Variants in RSPO2 observed in about 807,000 individuals in gnomAD.
RSPO2 encodes the protein R-spondin-2.
A neutral mutation model predicts 30.9 loss-of-function variants in RSPO2; 14 were observed. That is an observed-to-expected ratio of 0.45 (90% CI 0.30 to 0.71). RSPO2 has a LOEUF of 0.71. Among genes scored for constraint, RSPO2 ranks in the 30% least tolerant of loss-of-function variants. The probability of loss-of-function intolerance (pLI) is 0.08; values close to 1 mark genes in which losing one functional copy is unlikely to be tolerated. For missense variants in RSPO2, 264 were observed against 301.9 expected (o/e 0.87, Z 0.93); for synonymous variants, 107 against 96.4 (o/e 1.11, Z -0.64).
intron 2 of RSPO2, among the ~76,000 whole-genome samples, chr8:108,023,478 A>C (rs1379518945): frequency 6.6e-6 from 1 of 152,218 alleles, no homozygotes; most frequent in Non-Finnish European, 1.5e-5. Flanking sequence ...TCTGAACTAA[A>C]ATGATACGCT....
chr8:107,940,617 A>G (rs1036286081), intron 5 of RSPO2, among the ~76,000 whole-genome samples: 4 of 152,188 alleles, frequency 2.6e-5, no homozygotes, highest in Non-Finnish European at 5.9e-5. Context: ...TCTTGGCCCA[A>G]GGCCATTTAG....
intron 5 of RSPO2, among the ~76,000 whole-genome samples, chr8:107,923,912 G>T (rs1323315226): frequency 6.6e-6 from 1 of 151,984 alleles, no homozygotes; most frequent in Non-Finnish European, 1.5e-5. Context: ...GACACATAGA[G>T]GGGAACAGCA....
intron 2 of RSPO2, among the ~76,000 whole-genome samples, chr8:108,011,134 G>GAAAAAAAAAA (rs66722934): frequency 2.0e-5 from 2 of 100,432 alleles, no homozygotes; most frequent in Non-Finnish European, 3.9e-5. Flanking sequence ...CTCCGTCCCA[G>GAAAAAAAAAA]AAAAAAAAAA....
chr8:107,963,550 A>AAAAAG lies in RSPO2; in HGVS notation c.284-2734_284-2733insCTTTT, dbSNP rs1410329718. Reference sequence around the variant, plus strand: ...AAAAAAAAAAAAAAAAAAAAAAAAAAGGCAGGTTGCAAGATATATATAGTA... The same window carrying AAAAAG: ...AAAAAAAAAAAAAAAAAAAAAAAAAAAAAAGGGCAGGTTGCAAGATATATATAGTA... On this transcript the variant is annotated intron_variant, in intron 3 of 5. Coordinates refer to ENST00000276659, the MANE Select transcript of RSPO2 (RefSeq NM_178565.5). 2.8e-5 allele frequency among the ~76,000 whole-genome samples: 4 copies of AAAAAG among 143,772 alleles called. 1 individual carries two copies. The East Asian group carries it at 5.9e-4, about 21-fold the overall frequency. The allele number at this position is 143,772 out of a possible 152,430, so 94.3% of individuals were successfully genotyped here. A position where few individuals can be genotyped will look rare whatever the true frequency, so the allele number is the denominator to read the frequency against.
At chr8:107,924,708 C>A (rs1018768511) in intron 5 of RSPO2, among the ~76,000 whole-genome samples, 27 of 151,898 alleles carry the variant, frequency 1.8e-4, no homozygotes, top group African/African-American at 6.5e-4. Context: ...TATATAGAAA[C>A]CTCATACGCC....
At chr8:108,020,883 T>G (rs2130611004) in intron 2 of RSPO2, among the ~76,000 whole-genome samples, 1 of 152,324 alleles carries the variant, frequency 6.6e-6, no homozygotes, top group East Asian at 1.9e-4. Context: ...TATGTATGTC[T>G]TCCCCAGTAG....
chr8:108,069,349 G>A (rs763181679), intron 2 of RSPO2, among the ~76,000 whole-genome samples: 7 of 152,062 alleles, frequency 4.6e-5, no homozygotes, highest in Non-Finnish European at 1.0e-4. Context: ...GAGTAGCTAG[G>A]ACTACAGGCA....
intron 2 of RSPO2, among the ~76,000 whole-genome samples, chr8:108,067,939 C>T (rs907453342): frequency 2.4e-4 from 37 of 152,082 alleles, no homozygotes; most frequent in African/African-American, 8.7e-4. Context: ...TGTGGTGGCA[C>T]ATACCTGTAG....
At chr8:108,001,141 A>G (rs926875467) in intron 2 of RSPO2, among the ~76,000 whole-genome samples, 37 of 152,084 alleles carry the variant, frequency 2.4e-4, no homozygotes, top group African/African-American at 8.4e-4. Context: ...GCAGTGAGCC[A>G]AGATCGCGCC....
intron 3 of RSPO2, chr8:107,983,071 G>A (rs1186058298): frequency 3.9e-6 from 5 of 1,287,404 alleles, no homozygotes; most frequent in East Asian, 2.3e-5. Context: ...CATGTTCCCT[G>A]GCACCACTAC....
intron 5 of RSPO2, among the ~76,000 whole-genome samples, chr8:107,932,065 T>G (rs1352588832): frequency 3.3e-5 from 5 of 152,168 alleles, no homozygotes; most frequent in African/African-American, 1.2e-4. Context: ...ATGATAAATA[T>G]AGGTGCGTAA....
At chr8:107,963,089 A>G (rs1813682210) in intron 3 of RSPO2, among the ~76,000 whole-genome samples, 1 of 152,180 alleles carries the variant, frequency 6.6e-6, no homozygotes, top group Admixed American at 6.5e-5. Flanking sequence ...TCAGGTATAA[A>G]TCATGTTGGA....
chr8:107,996,785 C>T, intron 2 of RSPO2: 1 of 310,754 alleles, frequency 3.2e-6, no homozygotes, highest in Non-Finnish European at 6.3e-6. Context: ...TTCATCTTGA[C>T]CACAAAGATC....
chr8:107,967,866 T>C (rs893326529), intron 3 of RSPO2, among the ~76,000 whole-genome samples: 5 of 152,154 alleles, frequency 3.3e-5, no homozygotes, highest in Non-Finnish European at 5.9e-5. Context: ...CCACTTACTA[T>C]TGTGTGACTG....
intron 5 of RSPO2, among the ~76,000 whole-genome samples, chr8:107,953,598 C>G (rs1041842564): frequency 7.2e-5 from 11 of 152,086 alleles, no homozygotes; most frequent in African/African-American, 2.7e-4. Flanking sequence ...ACAACCATGG[C>G]TTTATCTTTG....
chr8:108,009,534 C>G (rs894367395), intron 2 of RSPO2, among the ~76,000 whole-genome samples: 1 of 152,156 alleles, frequency 6.6e-6, no homozygotes, highest in Non-Finnish European at 1.5e-5. Context: ...AAGTCACACA[C>G]ATTACATGTG....
At chr8:108,056,691 A>G (rs1812258931) in intron 2 of RSPO2, among the ~76,000 whole-genome samples, 1 of 151,680 alleles carries the variant, frequency 6.6e-6, no homozygotes, top group Non-Finnish European at 1.5e-5. Flanking sequence ...TGCCTGGCAC[A>G]TAGTAAATGC....
chr8:108,063,997 TC>T (rs1812571279), intron 2 of RSPO2, among the ~76,000 whole-genome samples: 1 of 152,160 alleles, frequency 6.6e-6, no homozygotes, highest in Non-Finnish European at 1.5e-5. Flanking sequence ...TGAAGCTGGA[TC>T]CCTTCCTTAC....
chr8:107,983,345 G>A (rs990870649), intron 3 of RSPO2: 1 of 1,609,930 alleles, frequency 6.2e-7, no homozygotes, highest in African/African-American at 1.3e-5. Context: ...AGATGGAAAA[G>A]GGCCCAGGGT....
Sources: gnomAD v4.1 joint callset for allele counts (sites outside exome capture counted in the v4.1 genomes callset) on GRCh38, gnomAD v4.1.1 for gene constraint, MANE v1.5 for transcripts, NCBI Gene and HGNC (gene_info 2026-07-23, HGNC 2026-07-21) for gene names.